The following ZFPM1 variants were observed in gnomAD, a reference collection of about 807,000 sequenced individuals.
The protein encoded by ZFPM1 is zinc finger protein, FOG family member 1, also known as zinc finger protein ZFPM1.
ZFPM1 carries 28 observed loss-of-function variants against 46.3 expected under a neutral mutation model. That is an observed-to-expected ratio of 0.60 (90% CI 0.45 to 0.83). The LOEUF (loss-of-function observed/expected upper bound fraction) is 0.83. Ranked by LOEUF, ZFPM1 falls within the 40% of genes least tolerant of loss-of-function variation. The probability of loss-of-function intolerance (pLI) is 0.00; values close to 1 mark genes in which losing one functional copy is unlikely to be tolerated. For synonymous variants in ZFPM1, 957 were observed against 675.9 expected (o/e 1.42, Z -6.45); for missense variants, 1,878 against 1,432.4 (o/e 1.31, Z -5.02).
Position 88,535,110 on chromosome 16 carries a change from G to C in ZFPM1, c.*131G>C, listed in dbSNP as rs541237102. On this transcript the variant is annotated 3_prime_UTR_variant, in exon 10 of 10. Coordinates refer to ENST00000319555, the MANE Select transcript of ZFPM1 (RefSeq NM_153813.3). ...CAGGCCTCGGCGGAGGGGGCCGCAG[G>C]GGGCAGCGCCCGCCTGGACCCTTGG... 3 of 1,169,586 alleles carry C rather than the reference G, an allele frequency of 2.6e-6. No individual in the cohort carries two copies. The highest frequency in any genetic ancestry group is 3.8e-5 in the Admixed American group (1 of 26,026). 72.5% of individuals were successfully genotyped at this position (1,169,586 alleles called of 1,614,324 possible).
chr16:88,516,940 C>T (rs372308922), intron 4 of ZFPM1, among the ~76,000 whole-genome samples: 1 of 152,122 alleles, frequency 6.6e-6, no homozygotes, highest in African/African-American at 2.4e-5. Context: ...ACATGGGGGG[C>T]GGGCACCCAC....
chr16:88,512,195 G>A (rs149499236), intron 3 of ZFPM1, among the ~76,000 whole-genome samples: 2 of 152,216 alleles, frequency 1.3e-5, no homozygotes, highest in Non-Finnish European at 2.9e-5. Context: ...TGGGTGCCTC[G>A]TGGGCCGGGT....
rs191115962 is a variant in ZFPM1 at position 88,476,553 on chromosome 16, C to T, written c.41-9386C>T. ...AGGGCAGCCAGGGCAGGGCCATTTT[C>T]GGAAACCAGGTGGGAGCTGGGTAGG... On this transcript the variant is annotated intron_variant, in intron 1 of 9. Transcript: ENST00000319555. Among the ~76,000 whole-genome samples, 732 of 151,960 alleles carry T rather than the reference C, an allele frequency of 4.8e-3. 15 individuals carry two copies. The highest frequency in any genetic ancestry group is 0.037 in the Admixed American group (565 of 15,280).
intron 4 of ZFPM1, chr16:88,516,219 G>A (rs1471891234): frequency 2.3e-5 from 9 of 398,612 alleles, no homozygotes; most frequent in Admixed American, 1.3e-4. Flanking sequence ...GGAGACCCTC[G>A]CAAGCTCCTT....
chr16:88,495,482 C>A (rs1204939037), intron 3 of ZFPM1, among the ~76,000 whole-genome samples: 1 of 152,236 alleles, frequency 6.6e-6, no homozygotes, highest in African/African-American at 2.4e-5. Flanking sequence ...ACCTGCCCAC[C>A]TGTGCCAGTG....
intron 1 of ZFPM1, among the ~76,000 whole-genome samples, chr16:88,484,080 C>G (rs1465324841): frequency 6.6e-6 from 1 of 152,230 alleles, no homozygotes; most frequent in South Asian, 2.1e-4. Flanking sequence ...CATCTCCCTC[C>G]CATCTTCTGC....
chr16:88,476,458 G>A (rs1908692680), intron 1 of ZFPM1, among the ~76,000 whole-genome samples: 2 of 152,158 alleles, frequency 1.3e-5, no homozygotes, highest in African/African-American at 4.8e-5. Context: ...CGGCCATCGT[G>A]GGAACTGGGG....
At chr16:88,498,686 C>T (rs546911164) in intron 3 of ZFPM1, among the ~76,000 whole-genome samples, 3 of 152,330 alleles carry the variant, frequency 2.0e-5, no homozygotes, top group African/African-American at 4.8e-5. Flanking sequence ...GGCGCAGTCC[C>T]GGAGCCGGGG....
chr16:88,508,292 G>C (rs920991416), intron 3 of ZFPM1, among the ~76,000 whole-genome samples: 2 of 151,974 alleles, frequency 1.3e-5, no homozygotes, highest in African/African-American at 4.8e-5. Flanking sequence ...GCAAGATTCT[G>C]TCTCAAAAAA....
intron 3 of ZFPM1, among the ~76,000 whole-genome samples, chr16:88,511,822 G>T (rs1910981106): frequency 6.6e-6 from 1 of 152,166 alleles, no homozygotes; most frequent in African/African-American, 2.4e-5. Context: ...ACCAATCCAG[G>T]CACCTGCATC....
At chr16:88,468,185 C>T (rs1165821055) in intron 1 of ZFPM1, among the ~76,000 whole-genome samples, 2 of 143,612 alleles carry the variant, frequency 1.4e-5, no homozygotes, top group Non-Finnish European at 3.0e-5. Flanking sequence ...GACGCACCCG[C>T]GAGCCCACCG....
intron 1 of ZFPM1, among the ~76,000 whole-genome samples, chr16:88,460,847 G>A (rs563097181): frequency 2.0e-5 from 3 of 152,136 alleles, no homozygotes; most frequent in Non-Finnish European, 4.4e-5. Flanking sequence ...CGTGGGCCTC[G>A]GCCTCCCAGC....
intron 4 of ZFPM1, 30 bp downstream of exon 4, chr16:88,514,550 G>A (rs1490317188): frequency 5.3e-5 from 48 of 907,284 alleles, no homozygotes; most frequent in Admixed American, 8.5e-5. Flanking sequence ...GCCCCTGCCC[G>A]CCCACCCCAA....
At position 88,534,560 on chromosome 16, in the gene ZFPM1, G is replaced by T; in HGVS notation, c.2602G>T (p.Asp868Tyr). The change falls in exon 10 of 10, where the codon GAC becomes TAC. Residue 868 changes from aspartate to tyrosine, a missense_variant. Asp to Tyr is a radical substitution (Grantham distance 160). Coordinates refer to ENST00000319555, the MANE Select transcript of ZFPM1 (RefSeq NM_153813.3). ...CCCCCCGAACGGCCCGGTGCGCGGGGACCTGCTGGAGCATTTCCGCCTGGC... is the reference window on the plus strand; with the variant it reads ...CCCCCCGAACGGCCCGGTGCGCGGGTACCTGCTGGAGCATTTCCGCCTGGC... ...YCPPNGPVRG[D>Y]LLEHFRLAHG... The T allele has an allele frequency of 7.5e-7, 1 of 1,338,980 alleles. No individual in the cohort carries two copies. The highest frequency in any genetic ancestry group is 9.6e-7 in the Non-Finnish European group (1 of 1,046,690). 82.9% of individuals were successfully genotyped at this position (1,338,980 alleles called of 1,614,324 possible). A position where few individuals can be genotyped will look rare whatever the true frequency, so the allele number is the denominator to read the frequency against.
intron 1 of ZFPM1, among the ~76,000 whole-genome samples, chr16:88,454,850 G>T (rs1907466298): frequency 6.6e-6 from 1 of 152,128 alleles, no homozygotes; most frequent in African/African-American, 2.4e-5. Flanking sequence ...CCAGCCGTAG[G>T]CGCCCGGGCA....
rs549700352 is a variant in ZFPM1, at chr16:88,497,656, C to T, written c.268+8503C>T. On this transcript the variant is annotated intron_variant, in intron 3 of 9. Coordinates refer to ENST00000319555, the MANE Select transcript of ZFPM1 (RefSeq NM_153813.3). This position sits in a 1 kb window ranked among gnomAD's most constrained non-coding sequence, Gnocchi z 5.4. ...TTGTGGGGGGTGTTCGTGCCGTGAGCGATCCGGTCCAGCATCCCGGCGCTG... is the reference window on the plus strand; with the variant it reads ...TTGTGGGGGGTGTTCGTGCCGTGAGTGATCCGGTCCAGCATCCCGGCGCTG... Among the ~76,000 whole-genome samples the T allele has an allele frequency of 1.2e-3, 189 of 152,214 alleles. No individual in the cohort carries two copies. The highest frequency in any genetic ancestry group is 2.1e-3 in the Non-Finnish European group (141 of 67,996).
In ZFPM1 at chr16:88,533,691, C is replaced by A. The variant is rs1407598118; in HGVS notation, c.1733C>A (p.Thr578Lys). The change falls in exon 10 of 10, where the codon ACG (threonine) becomes AAG (lysine). Residue 578 changes from threonine (T) to lysine (K), a missense_variant. Transcript: ENST00000319555. Reference sequence around the variant, plus strand: ...TTCCCCGGGGCCCCCAAGGGCGCTACGTGCTTCGAGTGCGAGATCACCTTC... The same window carrying A: ...TTCCCCGGGGCCCCCAAGGGCGCTAAGTGCTTCGAGTGCGAGATCACCTTC... ...GLFPGAPKGA[T>K]CFECEITFSN... 11 of 1,492,890 alleles carry A rather than the reference C, an allele frequency of 7.4e-6. No homozygotes were observed. The highest frequency in any genetic ancestry group is 9.9e-6 in the Non-Finnish European group (11 of 1,113,554). 92.5% of individuals were successfully genotyped at this position (1,492,890 alleles called of 1,614,324 possible).
chr16:88,460,246 G>C (rs1314272611), intron 1 of ZFPM1, among the ~76,000 whole-genome samples: 2 of 152,198 alleles, frequency 1.3e-5, no homozygotes, highest in Non-Finnish European at 1.5e-5. Flanking sequence ...GAGAGGCCCA[G>C]GGTTTATCGA....
chr16:88,461,961 C>G (rs1907913295), intron 1 of ZFPM1, among the ~76,000 whole-genome samples: 1 of 152,224 alleles, frequency 6.6e-6, no homozygotes, highest in South Asian at 2.1e-4. Flanking sequence ...CCAGGTTTCT[C>G]TGGGCACTGC....
Sources: gnomAD v4.1 joint callset for allele counts (sites outside exome capture counted in the v4.1 genomes callset) on GRCh38, gnomAD v4.1.1 for gene constraint, Gnocchi (gnomAD v3.1) non-coding constraint, MANE v1.5 for transcripts, NCBI Gene and HGNC (gene_info 2026-07-23, HGNC 2026-07-21) for gene names.